The following PSMA1 variants were observed in gnomAD, a reference collection of about 807,000 sequenced individuals.
The protein encoded by PSMA1 is proteasome 20S subunit alpha 1.
Under a neutral mutation model 38.4 loss-of-function variants are expected in PSMA1, and 3 were observed. The ratio of observed to expected loss-of-function variants is 0.08; its 90% CI spans 0.04 to 0.20. The LOEUF (loss-of-function observed/expected upper bound fraction) is 0.20, where lower values mean the gene tolerates loss of function less well. Ranked by LOEUF, PSMA1 falls within the 10% of genes least tolerant of loss-of-function variation. The pLI is 1.00. For missense variants in PSMA1, 227 were observed against 325.3 expected (o/e 0.70, Z 2.32); for synonymous variants, 101 against 107.1 (o/e 0.94, Z 0.35).
intron 2 of PSMA1, among the ~76,000 whole-genome samples, chr11:14,560,071 G>A (rs541551193): frequency 1.1e-4 from 16 of 152,320 alleles, no homozygotes; most frequent in Admixed American, 9.2e-4. Flanking sequence ...CTTGGGCAAG[G>A]TGACTCTCTT....
intron 2 of PSMA1, among the ~76,000 whole-genome samples, chr11:14,529,439 C>G (rs1335821094): frequency 1.3e-5 from 2 of 152,004 alleles, no homozygotes; most frequent in African/African-American, 2.4e-5. Flanking sequence ...AAATGTTTGA[C>G]TTCCCTTCTA....
chr11:14,630,192 C>T (rs1322451157), intron 1 of PSMA1, among the ~76,000 whole-genome samples: 1 of 152,034 alleles, frequency 6.6e-6, no homozygotes, highest in Admixed American at 6.6e-5. Flanking sequence ...CCAGAACTTC[C>T]AACACTATGT....
chr11:14,624,237 G>C (rs984647299), intron 1 of PSMA1, among the ~76,000 whole-genome samples: 2 of 152,220 alleles, frequency 1.3e-5, no homozygotes, highest in Non-Finnish European at 2.9e-5. Flanking sequence ...GCCATCCTTT[G>C]CAGAGAGAAG....
In PSMA1 at chr11:14,513,880, C is replaced by T; in HGVS notation, c.351G>A (p.Gln117=). ...RLVSLIGSKT[Q]IPTQRYGRRP... The stretch of plus-strand genomic sequence containing the variant: ...TCCGGCCATATCGTTGTGTTGGTAT[C>T]TGGGTCTCTTAGACTGGTTAACGAG... The change falls in exon 6 of 10, where the codon CAG becomes CAA. Residue 117 remains glutamine, a synonymous_variant. Transcript: ENST00000396394. 6.3e-7 allele frequency: 1 copy of T among 1,599,190 alleles called. No individual in the cohort carries two copies. Among genetic ancestry groups the T allele is most frequent in the Non-Finnish European group, 8.5e-7 (1 of 1,175,786 alleles).
intron 1 of PSMA1, among the ~76,000 whole-genome samples, chr11:14,639,995 A>C (rs1853177707): frequency 6.6e-6 from 1 of 152,092 alleles, no homozygotes. Context: ...CTTTCATTAG[A>C]CTAAGGAACC....
intron 2 of PSMA1, among the ~76,000 whole-genome samples, chr11:14,558,534 C>T (rs1851968407): frequency 6.6e-6 from 1 of 152,228 alleles, no homozygotes; most frequent in Non-Finnish European, 1.5e-5. Flanking sequence ...AGCTGTAGTT[C>T]CCTCTACTGA....
chr11:14,543,816 T>A (rs1216179613), intron 2 of PSMA1, among the ~76,000 whole-genome samples: 1 of 152,188 alleles, frequency 6.6e-6, no homozygotes. Flanking sequence ...AAATATTGGT[T>A]CTGTTATATG....
At chr11:14,583,341 T>C (rs1448064383) in intron 2 of PSMA1, among the ~76,000 whole-genome samples, 1 of 152,226 alleles carries the variant, frequency 6.6e-6, no homozygotes, top group African/African-American at 2.4e-5. Flanking sequence ...AGGCCGTTTG[T>C]ACATCCAGTG....
chr11:14,505,897 TTGG>T (rs1851236468), intron 9 of PSMA1, among the ~76,000 whole-genome samples: 1 of 152,112 alleles, frequency 6.6e-6, no homozygotes, highest in Admixed American at 6.5e-5. Context: ...TTTCAGCTAC[TTGG>T]TGGCGCGGGG....
intron 2 of PSMA1, among the ~76,000 whole-genome samples, chr11:14,597,132 C>A (rs1316253230): frequency 6.6e-6 from 1 of 152,132 alleles, no homozygotes; most frequent in East Asian, 1.9e-4. Context: ...TGATGTGCTG[C>A]TGGATTCGGT....
intron 2 of PSMA1, among the ~76,000 whole-genome samples, chr11:14,546,035 A>G (rs970093794): frequency 6.6e-6 from 1 of 152,190 alleles, no homozygotes; most frequent in Non-Finnish European, 1.5e-5. Context: ...GGGTCCATCA[A>G]GCTCAAGTTA....
chr11:14,609,316 A>T (rs1232373636), intron 2 of PSMA1, among the ~76,000 whole-genome samples: 1 of 152,224 alleles, frequency 6.6e-6, no homozygotes, highest in Non-Finnish European at 1.5e-5. Flanking sequence ...ATCAGGATTC[A>T]TTCATTCATT....
intron 2 of PSMA1, among the ~76,000 whole-genome samples, chr11:14,548,394 G>A (rs550302130): frequency 1.3e-5 from 2 of 152,092 alleles, no homozygotes; most frequent in Non-Finnish European, 2.9e-5. Flanking sequence ...TGTATGTGGT[G>A]TATACACACC....
chr11:14,641,651 C>T (rs1400076048), intron 1 of PSMA1, among the ~76,000 whole-genome samples: 1 of 152,174 alleles, frequency 6.6e-6, no homozygotes, highest in Non-Finnish European at 1.5e-5. Context: ...GCTAGAGAAT[C>T]TTGAAGACGA....
At chr11:14,567,791 G>A (rs899106400) in intron 2 of PSMA1, among the ~76,000 whole-genome samples, 4 of 152,122 alleles carry the variant, frequency 2.6e-5, no homozygotes, top group East Asian at 1.9e-4. Flanking sequence ...TGTGTTTTTT[G>A]GTGATTTTGC....
chr11:14,636,633 T>C (rs530400974), intron 1 of PSMA1, among the ~76,000 whole-genome samples: 1 of 152,330 alleles, frequency 6.6e-6, no homozygotes, highest in South Asian at 2.1e-4. Context: ...ATACATCCAA[T>C]GGCCAAGAAA....
At chr11:14,532,012 G>A (rs138342566) in intron 2 of PSMA1, among the ~76,000 whole-genome samples, 5 of 152,056 alleles carry the variant, frequency 3.3e-5, no homozygotes, top group African/African-American at 1.2e-4. Context: ...ACTCTCTTCA[G>A]TTACCCCTTT....
intron 5 of PSMA1, 31 bp from the exon 6 acceptor site, chr11:14,513,918 A>C: frequency 6.4e-7 from 1 of 1,564,914 alleles, no homozygotes; most frequent in South Asian, 1.2e-5. Flanking sequence ...TGTTTTAACA[A>C]GGAATGAAGT....
At chr11:14,607,724 G>A (rs1852660690) in intron 2 of PSMA1, among the ~76,000 whole-genome samples, 2 of 152,212 alleles carry the variant, frequency 1.3e-5, no homozygotes, top group African/African-American at 4.8e-5. Flanking sequence ...GGACAACTGG[G>A]TAGGAAGAAT....
Sources: allele counts gnomAD v4.1 joint callset (sites outside exome capture counted in the v4.1 genomes callset), GRCh38; gene constraint gnomAD v4.1.1; transcripts MANE v1.5; gene names NCBI Gene and HGNC (gene_info 2026-07-23, HGNC 2026-07-21).